COBLL1: variants seen among roughly 807,000 people sequenced by gnomAD.
COBLL1 encodes cordon-bleu protein-like 1.
A neutral mutation model predicts 94.8 loss-of-function variants in COBLL1; 50 were observed. The observed-to-expected ratio is 0.53, with a 90% CI of 0.42 to 0.67. The LOEUF (loss-of-function observed/expected upper bound fraction) is 0.67, where lower values mean the gene tolerates loss of function less well. Among genes scored for constraint, COBLL1 ranks in the 30% least tolerant of loss-of-function variants. The pLI, the probability that COBLL1 is intolerant of heterozygous loss-of-function variation, is 0.00. For missense variants in COBLL1, 1,362 were observed against 1,348.7 expected (o/e 1.01, Z -0.15); for synonymous variants, 448 against 473.8 (o/e 0.95, Z 0.71).
intron 2 of COBLL1, among the ~76,000 whole-genome samples, chr2:164,663,498 T>C (rs557701920): frequency 6.6e-6 from 1 of 152,152 alleles, no homozygotes; most frequent in Non-Finnish European, 1.5e-5. Context: ...TAAATTGTTC[T>C]ACCAACAACT....
intron 7 of COBLL1, among the ~76,000 whole-genome samples, chr2:164,718,466 T>C (rs1277550129): frequency 6.6e-6 from 1 of 152,160 alleles, no homozygotes; most frequent in Non-Finnish European, 1.5e-5. Context: ...ATGCATGTAG[T>C]ATATGGCCAC....
intron 2 of COBLL1, among the ~76,000 whole-genome samples, chr2:164,836,622 T>G (rs6728728): frequency 0.13 from 19,951 of 152,204 alleles, 1,851 homozygotes; most frequent in Admixed American, 0.28. Flanking sequence ...AATATACTTA[T>G]TCAAAAAGAA....
chr2:164,712,181 T>C (rs892675697), intron 7 of COBLL1, among the ~76,000 whole-genome samples: 10 of 152,172 alleles, frequency 6.6e-5, no homozygotes, highest in African/African-American at 2.4e-4. Flanking sequence ...TTAGATCACT[T>C]ATTAATCATA....
intron 7 of COBLL1, among the ~76,000 whole-genome samples, chr2:164,712,677 ATAT>A (rs1368542768): frequency 1.3e-5 from 2 of 152,082 alleles, no homozygotes; most frequent in South Asian, 2.1e-4. Context: ...ATTATTATAT[ATAT>A]TATTATTACA....
At chr2:164,809,235 T>C (rs1418359736) in intron 2 of COBLL1, among the ~76,000 whole-genome samples, 1 of 152,066 alleles carries the variant, frequency 6.6e-6, no homozygotes, top group Non-Finnish European at 1.5e-5. Context: ...AGTTTATATA[T>C]TTTAATATTC....
intron 2 of COBLL1, among the ~76,000 whole-genome samples, chr2:164,800,715 A>G (rs941452880): frequency 6.6e-5 from 10 of 152,164 alleles, no homozygotes; most frequent in African/African-American, 2.2e-4. Context: ...AAAATACTAC[A>G]CTTAGCTATA....
chr2:164,806,570 A>G (rs1684166612), intron 2 of COBLL1, among the ~76,000 whole-genome samples: 1 of 152,216 alleles, frequency 6.6e-6, no homozygotes, highest in African/African-American at 2.4e-5. Flanking sequence ...TGCCTTCCTT[A>G]GATGACTTAA....
chr2:164,842,041 G>A, upstream of COBLL1: 1 of 1,532,886 alleles, frequency 6.5e-7, no homozygotes, highest in Non-Finnish European at 8.7e-7. Flanking sequence ...CAGCTCGGCG[G>A]CATTGGAGCG....
At chr2:164,781,951 T>A (rs76221616) in intron 2 of COBLL1, among the ~76,000 whole-genome samples, 3,153 of 152,298 alleles carry the variant, frequency 0.021, 42 homozygotes, top group Middle Eastern at 0.068. Context: ...TTGAATTTTT[T>A]AAAATGGAAT....
chr2:164,692,221 C>G lies in COBLL1; in HGVS notation c.3300G>C (p.Arg1100Ser). The G allele has an allele frequency of 6.3e-7, 1 of 1,596,600 alleles. No individual in the cohort carries two copies. The highest frequency in any genetic ancestry group is 2.3e-5 in the East Asian group (1 of 44,210). Residue 1100 changes from arginine to serine, a missense_variant and splice_region_variant, in exon 13 of 14, where the codon AGG (arginine) becomes AGC (serine). Physicochemically the swap from Arg to Ser is moderately radical, Grantham distance 110. Coordinates refer to ENST00000652658, the MANE Select transcript of COBLL1 (RefSeq NM_001365672.2). ...RSGEAAAKLKRVTIPSNTISV... is the reference protein window; with the variant it reads ...RSGEAAAKLKSVTIPSNTISV... ...CACCCATCTGATAAAGAAGACTTACCCTTTTCAATTTGGCAGCAGCCTCTC... is the reference window on the plus strand; with the variant it reads ...CACCCATCTGATAAAGAAGACTTACGCTTTTCAATTTGGCAGCAGCCTCTC...
At chr2:164,807,675 T>C (rs946435818) in intron 2 of COBLL1, among the ~76,000 whole-genome samples, 1 of 152,130 alleles carries the variant, frequency 6.6e-6, no homozygotes, top group Non-Finnish European at 1.5e-5. Context: ...TTTTTACTGT[T>C]TATACTTGTT....
At chr2:164,678,145 C>G (rs1028204272), downstream of COBLL1, among the ~76,000 whole-genome samples, 1 of 151,942 alleles carries the variant, frequency 6.6e-6, no homozygotes, top group Non-Finnish European at 1.5e-5. Context: ...CAAGAATAGC[C>G]AAGACATTTC....
At position 164,695,754 on chromosome 2, in the gene COBLL1, T is replaced by G. The variant is rs1558928420; in HGVS notation, c.1638A>C (p.Val546=). Residue 546 remains valine, a synonymous_variant, in exon 12 of 14, where the codon GTA becomes GTC. Transcript: ENST00000652658. ...TGTTGTTATTTTTGGCAACACCTTCTACATTGATTTCTGTTTTCTTCACTC... is the reference window on the plus strand; with the variant it reads ...TGTTGTTATTTTTGGCAACACCTTCGACATTGATTTCTGTTTTCTTCACTC... The part of the protein sequence containing the change: ...KNGVKKTEIN[V]EGVAKNNNID... 1 of 1,613,396 alleles carries G rather than the reference T, an allele frequency of 6.2e-7. No homozygotes were observed. The highest frequency in any genetic ancestry group is 1.1e-5 in the South Asian group (1 of 90,904).
intron 2 of COBLL1, among the ~76,000 whole-genome samples, chr2:164,662,965 T>TA (rs1691095615): frequency 6.6e-6 from 1 of 152,210 alleles, no homozygotes; most frequent in Non-Finnish European, 1.5e-5. Context: ...TATTTCTTTA[T>TA]AGCAATGCAA....
chr2:164,705,057 T>G lies in COBLL1; in HGVS notation c.1045A>C (p.Ser349Arg). The G allele has an allele frequency of 1.3e-6, 2 of 1,599,360 alleles. No homozygotes were observed. The highest frequency in any genetic ancestry group is 2.3e-5 in the South Asian group (2 of 88,436). ...RVRAGSLQLS[S>R]MSAGNSSLRR... ...AAAGATGAATTCCCTGCAGACATGC[T>G]GCTGAGCTGCAGTGAACCTGCCCTC... The change falls in exon 8 of 14, where the codon AGC (serine) becomes CGC (arginine). Residue 349 changes from serine to arginine, a missense_variant. Ser to Arg is a moderately radical substitution (Grantham distance 110). Coordinates refer to ENST00000652658, the MANE Select transcript of COBLL1 (RefSeq NM_001365672.2).
At chr2:164,716,916 A>G (rs982805498) in intron 7 of COBLL1, among the ~76,000 whole-genome samples, 4 of 152,206 alleles carry the variant, frequency 2.6e-5, no homozygotes, top group African/African-American at 4.8e-5. Flanking sequence ...CCTAAGCTAC[A>G]GATTTACTGA....
rs117443813 is a variant in COBLL1, at chr2:164,752,025, T to C, written c.42-8150A>G. On this transcript the variant is annotated intron_variant, in intron 2 of 13. Transcript: ENST00000652658. ...GGACTCAACTTTCAGTTATACTTGG[T>C]ATAATGTACCAAGCAAAGAGGCAGT... Among the ~76,000 whole-genome samples the C allele has an allele frequency of 8.7e-4, 132 of 152,202 alleles. 4 individuals carry two copies. In the East Asian group the frequency reaches 0.024, roughly 27 times the overall value.
rs553784177 is a variant in COBLL1, at chr2:164,709,432, C to T, written c.997-4327G>A. On this transcript the variant is annotated intron_variant, in intron 7 of 13. Coordinates refer to ENST00000652658, the MANE Select transcript of COBLL1 (RefSeq NM_001365672.2). ...GAATTAAAGAGGCTAAGAAAAAAGA[C>T]ATTGGCTGGGTGCCGTGGCTCACGC... Among the ~76,000 whole-genome samples the T allele has an allele frequency of 8.6e-4, 131 of 152,180 alleles. 1 individual carries two copies. Among genetic ancestry groups the T allele is most frequent in the Non-Finnish European group, 1.4e-3 (93 of 67,962 alleles).
At chr2:164,753,302 A>C (rs1257519437) in intron 2 of COBLL1, among the ~76,000 whole-genome samples, 1 of 152,148 alleles carries the variant, frequency 6.6e-6, no homozygotes, top group Non-Finnish European at 1.5e-5. Context: ...CAACACCTGG[A>C]ATACCAAGTC....
Sources: allele counts gnomAD v4.1 joint callset (sites outside exome capture counted in the v4.1 genomes callset), GRCh38; gene constraint gnomAD v4.1.1; transcripts MANE v1.5; gene names NCBI Gene and HGNC (gene_info 2026-07-23, HGNC 2026-07-21).